Variants in LYPD5 observed in about 807,000 individuals in gnomAD.
LYPD5 encodes ly6/PLAUR domain-containing protein 5.
Under a neutral mutation model 19.1 loss-of-function variants are expected in LYPD5, and 21 were observed. The observed-to-expected ratio is 1.10, with a 90% CI of 0.78 to 1.58. The LOEUF is 1.58. LYPD5 is among the 40% of genes most tolerant of loss of function. The probability of loss-of-function intolerance (pLI) is 0.00; values close to 1 mark genes in which losing one functional copy is unlikely to be tolerated. For missense variants in LYPD5, 287 were observed against 329.8 expected (o/e 0.87, Z 1.00); for synonymous variants, 128 against 142.7 (o/e 0.90, Z 0.74).
chr19:43,797,873 G>C (rs1322594385), intron 4 of LYPD5, 44 bp from the exon 5 acceptor site: 1 of 1,446,048 alleles, frequency 6.9e-7, no homozygotes, highest in Admixed American at 1.7e-5. Context: ...AACTGAGGGA[G>C]ACAGCTGCAC....
chr19:43,818,015 A>G (rs1970387790), intron 1 of LYPD5, among the ~76,000 whole-genome samples: 1 of 152,146 alleles, frequency 6.6e-6, no homozygotes, highest in African/African-American at 2.4e-5. Flanking sequence ...CGCCCAGCCC[A>G]TAAGTACTCT....
chr19:43,799,061 T>C, intron 2 of LYPD5, 73 bp from the exon 3 acceptor site: 1 of 1,464,334 alleles, frequency 6.8e-7, no homozygotes, highest in Non-Finnish European at 9.1e-7. Context: ...TTCTTCCTCC[T>C]CCCTCTATCC....
chr19:43,798,698 G>A (rs1970172890), intron 3 of LYPD5, 97 bp from the exon 4 acceptor site: 2 of 1,583,236 alleles, frequency 1.3e-6, no homozygotes, highest in African/African-American at 1.4e-5. Flanking sequence ...GCACGTCTCG[G>A]GGGTTGGGAT....
chr19:43,799,181 C>T, intron 2 of LYPD5, 193 bp from the exon 3 acceptor site: 1 of 618,080 alleles, frequency 1.6e-6, no homozygotes, highest in Non-Finnish European at 2.7e-6. Context: ...CTGTGCGCCT[C>T]TCCCACCTTC....
At chr19:43,800,939 C>T (rs1970214469) in intron 1 of LYPD5, among the ~76,000 whole-genome samples, 1 of 132,280 alleles carries the variant, frequency 7.6e-6, no homozygotes, top group Non-Finnish European at 1.6e-5. Context: ...CCAGCCTGGG[C>T]GGCGACAGAG....
chr19:43,814,951 G>A (rs1172367901), intron 1 of LYPD5, among the ~76,000 whole-genome samples: 1 of 152,176 alleles, frequency 6.6e-6, no homozygotes, highest in Non-Finnish European at 1.5e-5. Context: ...TCAGCAGCTG[G>A]TTTTCAAATT....
In LYPD5 at chr19:43,796,522, T is replaced by C. The variant is rs1970131858; in HGVS notation, c.*1069A>G. On this transcript the variant is annotated 3_prime_UTR_variant, in exon 5 of 5. Transcript: ENST00000377950. ...CAGCTACTATTGATCCTTTAGGATT[T>C]TGCTCAAGGGTGAATTCCTCCAGGA... 2 of 152,512 alleles carry C rather than the reference T, an allele frequency of 1.3e-5. No individual in the cohort carries two copies. Among genetic ancestry groups the C allele is most frequent in the African/African-American group, 2.4e-5 (1 of 41,472 alleles). 9.4% of individuals were successfully genotyped at this position (152,512 alleles called of 1,614,324 possible).
At chr19:43,802,857 C>T (rs1970240286), upstream of LYPD5, among the ~76,000 whole-genome samples, 1 of 152,170 alleles carries the variant, frequency 6.6e-6, no homozygotes. Context: ...CCCTCAGCCT[C>T]CAGCACCTTC....
At chr19:43,809,381 GATTT>G (rs1199929891) in intron 1 of LYPD5, among the ~76,000 whole-genome samples, 1 of 150,668 alleles carries the variant, frequency 6.6e-6, no homozygotes, top group African/African-American at 2.4e-5. Context: ...AGGACTTGTA[GATTT>G]ATTTATTTAT....
chr19:43,800,797 C>T (rs2146495729), intron 1 of LYPD5, among the ~76,000 whole-genome samples: 1 of 151,674 alleles, frequency 6.6e-6, no homozygotes, highest in East Asian at 2.0e-4. Context: ...CCCGTTTCTA[C>T]TAAAAATACA....
chr19:43,810,710 C>T (rs1970315653), intron 1 of LYPD5, among the ~76,000 whole-genome samples: 1 of 151,760 alleles, frequency 6.6e-6, no homozygotes, highest in Admixed American at 6.6e-5. Context: ...TCACTGCAAC[C>T]TCTGCCTCCT....
intron 1 of LYPD5, among the ~76,000 whole-genome samples, chr19:43,811,891 A>T (rs1369822564): frequency 1.3e-5 from 2 of 152,156 alleles, no homozygotes; most frequent in African/African-American, 4.8e-5. Context: ...ATAGGAAACC[A>T]CAAGCAAAAT....
At chr19:43,803,520 C>T (rs924158043), upstream of LYPD5, among the ~76,000 whole-genome samples, 1 of 152,162 alleles carries the variant, frequency 6.6e-6, no homozygotes, top group Non-Finnish European at 1.5e-5. Context: ...GTCTCAGACC[C>T]ACATCTGGAT....
intron 1 of LYPD5, among the ~76,000 whole-genome samples, chr19:43,817,225 G>C (rs1970382032): frequency 6.6e-6 from 1 of 152,140 alleles, no homozygotes; most frequent in African/African-American, 2.4e-5. Context: ...TGGTTATTGT[G>C]GGGGAGGGGG....
Position 43,797,384 on chromosome 19 carries a change from C to T in LYPD5, c.*207G>A. 1.8e-6 allele frequency: 1 copy of T among 553,152 alleles called. No individual in the cohort carries two copies. The highest frequency in any genetic ancestry group is 3.2e-6 in the Non-Finnish European group (1 of 312,584). The allele number at this position is 553,152 out of a possible 1,614,324, so 34.3% of individuals were successfully genotyped here. ...TCGGGGCACGACATGGCTGTTTTGC[C>T]CTCCCCGGGGATGCTGGTGACTGTG... On this transcript the variant is annotated 3_prime_UTR_variant, in exon 5 of 5. Transcript: ENST00000377950.
At chr19:43,802,564 G>GACCCCC, upstream of LYPD5, 3 of 288,998 alleles carry the variant, frequency 1.0e-5, no homozygotes, top group South Asian at 1.9e-4. Flanking sequence ...CTCAGTTGCT[G>GACCCCC]GAGATCTACA....
At chr19:43,815,278 G>A (rs1422665475) in intron 1 of LYPD5, among the ~76,000 whole-genome samples, 2 of 152,114 alleles carry the variant, frequency 1.3e-5, no homozygotes, top group Non-Finnish European at 2.9e-5. Flanking sequence ...CCGAAAGTGG[G>A]GGGATTGTTT....
intron 1 of LYPD5, among the ~76,000 whole-genome samples, chr19:43,808,138 G>A (rs1352665571): frequency 1.3e-5 from 2 of 152,104 alleles, no homozygotes; most frequent in African/African-American, 4.8e-5. Context: ...TTGAGACAGA[G>A]TCTCACTCTG....
At chr19:43,814,313 G>A (rs1466002221) in intron 1 of LYPD5, among the ~76,000 whole-genome samples, 1 of 152,144 alleles carries the variant, frequency 6.6e-6, no homozygotes, top group African/African-American at 2.4e-5. Context: ...GCAACATAGG[G>A]AGACCCCATC....
Sources: allele counts gnomAD v4.1 joint callset (sites outside exome capture counted in the v4.1 genomes callset), GRCh38; gene constraint gnomAD v4.1.1; transcripts MANE v1.5; gene names NCBI Gene and HGNC (gene_info 2026-07-23, HGNC 2026-07-21).